ALPL: variants seen among roughly 807,000 people sequenced by gnomAD.
ALPL encodes the protein alkaline phosphatase, biomineralization associated.
A neutral mutation model predicts 51.3 loss-of-function variants in ALPL; 42 were observed. The observed-to-expected ratio is 0.82, with a 90% CI of 0.64 to 1.06. ALPL has a LOEUF of 1.06. Ranked by LOEUF, ALPL falls within the 50% of genes least tolerant of loss-of-function variation. ALPL has a pLI of 0.00. For synonymous variants in ALPL, 279 were observed against 296.4 expected (o/e 0.94, Z 0.60); for missense variants, 589 against 709.4 (o/e 0.83, Z 1.93).
At chr1:21,557,027 T>C (rs1175546010) in intron 2 of ALPL, among the ~76,000 whole-genome samples, 1 of 152,216 alleles carries the variant, frequency 6.6e-6, no homozygotes, top group Non-Finnish European at 1.5e-5. Context: ...TGTGGGCCCC[T>C]CTGGTTTTAG....
intron 8 of ALPL, among the ~76,000 whole-genome samples, chr1:21,573,422 G>A (rs1258070467): frequency 6.8e-6 from 1 of 146,154 alleles, no homozygotes; most frequent in Non-Finnish European, 1.5e-5. Context: ...GGACAACAGA[G>A]TGAGACTCTG....
At chr1:21,566,581 G>A (rs542301634) in intron 6 of ALPL, among the ~76,000 whole-genome samples, 82 of 151,810 alleles carry the variant, frequency 5.4e-4, no homozygotes, top group Non-Finnish European at 1.0e-3. Context: ...GTGAGCCATC[G>A]CGCCCGGCCT....
chr1:21,574,169 G>A (rs754493473), intron 9 of ALPL: 1 of 985,466 alleles, frequency 1.0e-6, no homozygotes, highest in Non-Finnish European at 1.2e-6. Context: ...GTGTGCTGAT[G>A]TTCCCAGGCT....
At chr1:21,525,039 C>T (rs1431696209) in intron 1 of ALPL, among the ~76,000 whole-genome samples, 1 of 152,240 alleles carries the variant, frequency 6.6e-6, no homozygotes, top group Non-Finnish European at 1.5e-5. Flanking sequence ...TCTGAGGCTT[C>T]CAGAGTCTTC....
intron 1 of ALPL, among the ~76,000 whole-genome samples, chr1:21,530,475 A>G (rs763327732): frequency 7.9e-5 from 12 of 152,166 alleles, no homozygotes; most frequent in Non-Finnish European, 1.5e-4. Context: ...GCCCAGTTCC[A>G]ATGAGTCCAA....
At chr1:21,570,573 G>A (rs1171831232) in intron 8 of ALPL, among the ~76,000 whole-genome samples, 199 bp downstream of exon 8, 1 of 152,196 alleles carries the variant, frequency 6.6e-6, no homozygotes, top group Non-Finnish European at 1.5e-5. Context: ...CTGTGCAGGG[G>A]GATTAGCCTC....
chr1:21,548,841 CT>C (rs1214709358), intron 1 of ALPL, among the ~76,000 whole-genome samples: 2 of 152,160 alleles, frequency 1.3e-5, no homozygotes, highest in African/African-American at 4.8e-5. Flanking sequence ...TGTAAGTGTC[CT>C]TGTACGTTAC....
chr1:21,554,815 G>GTCTGTCTGTCTT (rs1367097121), intron 2 of ALPL, among the ~76,000 whole-genome samples: 10 of 83,694 alleles, frequency 1.2e-4, no homozygotes, highest in African/African-American at 3.2e-4. Flanking sequence ...CTGTCTGTCT[G>GTCTGTCTGTCTT]TCTTTCTTTC....
chr1:21,535,645 T>A (rs1264674037), intron 1 of ALPL, among the ~76,000 whole-genome samples: 4 of 151,740 alleles, frequency 2.6e-5, no homozygotes, highest in Admixed American at 2.0e-4. Flanking sequence ...TGAAGCTGGA[T>A]GGGCCAAATA....
At chr1:21,575,147 C>T (rs181807950) in intron 9 of ALPL, among the ~76,000 whole-genome samples, 7 of 152,322 alleles carry the variant, frequency 4.6e-5, no homozygotes, top group African/African-American at 1.4e-4. Context: ...CTGGGAGCTC[C>T]GTGCTTTCTT....
At chr1:21,513,857 T>A (rs1472812979) in intron 1 of ALPL, among the ~76,000 whole-genome samples, 1 of 152,234 alleles carries the variant, frequency 6.6e-6, no homozygotes, top group African/African-American at 2.4e-5. Flanking sequence ...TGGCTGGAGC[T>A]GATTAGCAGC....
intron 1 of ALPL, among the ~76,000 whole-genome samples, chr1:21,536,264 C>T (rs1644104140): frequency 2.0e-5 from 3 of 152,232 alleles, no homozygotes; most frequent in African/African-American, 7.2e-5. Context: ...TACATTACCA[C>T]ATACTTGAAA....
rs544631067 is a variant in ALPL at position 21,575,940 on chromosome 1, T to C, written c.1189+16T>C. On this transcript the variant is annotated intron_variant, in intron 10 of 11. Transcript: ENST00000374840. ...TCTATCTTTGGTAGGTGGGCCTTCT[T>C]TGGGGTGGACACTCCTGGGGTCTCC... is the stretch of plus-strand genomic sequence containing the variant. The C allele has an allele frequency of 3.2e-5, 52 of 1,614,110 alleles. No homozygotes were observed. The East Asian group carries it at 1.1e-3, about 34-fold the overall frequency.
At chr1:21,540,833 TTCTC>T (rs899801117) in intron 1 of ALPL, among the ~76,000 whole-genome samples, 26 of 152,144 alleles carry the variant, frequency 1.7e-4, no homozygotes, top group South Asian at 4.1e-4. Flanking sequence ...GTCCTAGACT[TTCTC>T]TCTCTCCCCT....
chr1:21,531,483 A>G (rs569637822), intron 1 of ALPL, among the ~76,000 whole-genome samples: 3 of 152,334 alleles, frequency 2.0e-5, no homozygotes, highest in Admixed American at 2.0e-4. Context: ...GTGATAAGCC[A>G]TAAGTTAATT....
intron 1 of ALPL, among the ~76,000 whole-genome samples, chr1:21,530,777 ATTTTTTTTTTT>A (rs71016918): frequency 8.9e-6 from 1 of 111,870 alleles, no homozygotes; most frequent in African/African-American, 3.4e-5. Flanking sequence ...CAAGCTTTGA[ATTTTTTTTTTT>A]TTTTTTTTTT....
At chr1:21,565,904 T>C (rs1268630104) in intron 6 of ALPL, among the ~76,000 whole-genome samples, 1 of 151,394 alleles carries the variant, frequency 6.6e-6, no homozygotes, top group Non-Finnish European at 1.5e-5. Flanking sequence ...AGCAAGTCTG[T>C]TATTTGGGAG....
intron 7 of ALPL, among the ~76,000 whole-genome samples, chr1:21,569,190 C>T (rs1644610316): frequency 1.3e-5 from 2 of 152,114 alleles, no homozygotes; most frequent in Non-Finnish European, 1.5e-5. Flanking sequence ...TGAGTCAGCT[C>T]AGGCTGGGCC....
intron 1 of ALPL, among the ~76,000 whole-genome samples, chr1:21,515,954 G>C (rs1643791577): frequency 6.6e-6 from 1 of 152,110 alleles, no homozygotes; most frequent in African/African-American, 2.4e-5. Context: ...GCTCACTACA[G>C]TGCAGCCTTG....
Sources: gnomAD v4.1 joint callset for allele counts (sites outside exome capture counted in the v4.1 genomes callset) on GRCh38, gnomAD v4.1.1 for gene constraint, MANE v1.5 for transcripts, NCBI Gene and HGNC (gene_info 2026-07-23, HGNC 2026-07-21) for gene names.